CFAP58: variants seen among roughly 807,000 people sequenced by gnomAD.
CFAP58 encodes cilia and flagella associated protein 58.
In CFAP58, 88 loss-of-function variants were observed where a neutral mutation model predicts 119.5. The ratio of observed to expected loss-of-function variants is 0.74; its 90% CI spans 0.62 to 0.88. The LOEUF (loss-of-function observed/expected upper bound fraction) is 0.88. Among genes scored for constraint, CFAP58 ranks in the 40% least tolerant of loss-of-function variants. The pLI is 0.00. For synonymous variants in CFAP58, 365 were observed against 366.3 expected, an observed-to-expected ratio of 1.00 and a Z score of 0.04; for missense variants, 990 against 1,021.2, an observed-to-expected ratio of 0.97 and a Z score of 0.42.
intron 17 of CFAP58, among the ~76,000 whole-genome samples, chr10:104,451,433 G>T (rs1173057990): frequency 1.3e-5 from 2 of 151,540 alleles, no homozygotes; most frequent in Non-Finnish European, 2.9e-5. Context: ...TATCTGTCTG[G>T]TTCGGAATCA....
At chr10:104,449,935 A>C in intron 16 of CFAP58, 136 bp from the exon 17 acceptor site, 54 of 745,488 alleles carry the variant, frequency 7.2e-5, no homozygotes, top group Non-Finnish European at 9.8e-5. Context: ...AGCTGGTGGA[A>C]GCATGCAGAT....
At chr10:104,431,518 A>G (rs1308189808) in intron 15 of CFAP58, among the ~76,000 whole-genome samples, 1 of 152,188 alleles carries the variant, frequency 6.6e-6, no homozygotes, top group East Asian at 1.9e-4. Context: ...CCCAAGTTTT[A>G]GATAAAATGT....
Position 104,422,152 on chromosome 10 carries a change from C to T in CFAP58, c.2256+15359C>T, listed in dbSNP as rs200590203. 1.1e-4 allele frequency among the ~76,000 whole-genome samples: 16 copies of T among 151,944 alleles called. No homozygotes were observed. The East Asian group carries it at 1.9e-3, about 18-fold the overall frequency. On this transcript the variant is annotated intron_variant, in intron 15 of 17. Transcript: ENST00000369704. ...TCACTCCACTGCACTCCAGCCTGGG[C>T]GACAGAGTGAGACTCCATCTCAAAA...
chr10:104,362,269 C>T, intron 3 of CFAP58, 98 bp downstream of exon 3: 1 of 1,030,568 alleles, frequency 9.7e-7, no homozygotes, highest in Non-Finnish European at 1.4e-6. Flanking sequence ...TGAACATTGT[C>T]TGTGATACAA....
intron 11 of CFAP58, among the ~76,000 whole-genome samples, chr10:104,396,825 C>T (rs2012172574): frequency 6.6e-6 from 1 of 152,192 alleles, no homozygotes; most frequent in African/African-American, 2.4e-5. Flanking sequence ...TGCCATCCTT[C>T]CTGGGTGAGA....
At position 104,435,869 on chromosome 10, in the gene CFAP58, T is replaced by G. The variant is rs527912480; in HGVS notation, c.2257-11829T>G. Among the ~76,000 whole-genome samples the G allele has an allele frequency of 5.8e-4, 89 of 152,336 alleles. 1 individual carries two copies. Among genetic ancestry groups the G allele is most frequent in the Non-Finnish European group, 8.7e-4 (59 of 68,040 alleles). ...TTTGTCAAAAGGATGCCCTGTTGACTCTTTAAAATTGAACTTACCATCTTC... is the reference window on the plus strand; with the variant it reads ...TTTGTCAAAAGGATGCCCTGTTGACGCTTTAAAATTGAACTTACCATCTTC... On this transcript the variant is annotated intron_variant, in intron 15 of 17. Coordinates refer to ENST00000369704, the MANE Select transcript of CFAP58 (RefSeq NM_001008723.2).
At chr10:104,414,910 G>T (rs994181800) in intron 15 of CFAP58, among the ~76,000 whole-genome samples, 1 of 152,130 alleles carries the variant, frequency 6.6e-6, no homozygotes, top group African/African-American at 2.4e-5. Context: ...AACAGAAAAG[G>T]TCTTCTCTGA....
intron 8 of CFAP58, among the ~76,000 whole-genome samples, chr10:104,377,465 A>C (rs1182738578): frequency 6.6e-6 from 1 of 152,156 alleles, no homozygotes; most frequent in Non-Finnish European, 1.5e-5. Flanking sequence ...ATTCTCCATT[A>C]AATGTAGGAC....
At chr10:104,371,354 G>T (rs997691212) in intron 7 of CFAP58, among the ~76,000 whole-genome samples, 6 of 152,156 alleles carry the variant, frequency 3.9e-5, no homozygotes, top group Admixed American at 3.9e-4. Context: ...TTATGTCTGA[G>T]GTTCACATGA....
intron 1 of CFAP58, among the ~76,000 whole-genome samples, chr10:104,358,048 C>CAT (rs1480807685): frequency 2.1e-5 from 3 of 146,196 alleles, no homozygotes; most frequent in African/African-American, 7.9e-5. Context: ...CATATACACA[C>CAT]ATATATGTAC....
chr10:104,440,304 A>G (rs2013016616), intron 15 of CFAP58, among the ~76,000 whole-genome samples: 1 of 151,626 alleles, frequency 6.6e-6, no homozygotes, highest in South Asian at 2.1e-4. Flanking sequence ...TTCACCAAGA[A>G]TAGGAAAAAA....
intron 1 of CFAP58, among the ~76,000 whole-genome samples, chr10:104,357,776 T>C (rs964584752): frequency 6.7e-6 from 1 of 150,202 alleles, no homozygotes; most frequent in Non-Finnish European, 1.5e-5. Flanking sequence ...TGTGTGTATA[T>C]ATGTGTGTTT....
intron 2 of CFAP58, among the ~76,000 whole-genome samples, chr10:104,361,664 C>G (rs558998850): frequency 6.6e-6 from 1 of 152,184 alleles, no homozygotes; most frequent in East Asian, 1.9e-4. Flanking sequence ...AAAAAATACC[C>G]TCTGCCAGTC....
At chr10:104,353,639 A>G (rs2014496626), upstream of CFAP58, 2 of 489,914 alleles carry the variant, frequency 4.1e-6, no homozygotes, top group Admixed American at 3.4e-5. Context: ...GCTCCGCCCC[A>G]TTGGGATATA....
In CFAP58 at chr10:104,450,696, T is replaced by G. The variant is rs1387247860; in HGVS notation, c.2510+492T>G. 5.4e-3 allele frequency among the ~76,000 whole-genome samples: 806 copies of G among 148,024 alleles called. 6 individuals carry two copies. The highest frequency in any genetic ancestry group is 0.02 in the African/African-American group (771 of 38,592). Reference sequence around the variant, plus strand: ...TTATTTATTTATTTATTTATTTATTTATTTATTTATTTATTTTTGATTTTT... The same window carrying G: ...TTATTTATTTATTTATTTATTTATTGATTTATTTATTTATTTTTGATTTTT... On this transcript the variant is annotated intron_variant, in intron 17 of 17. Coordinates refer to ENST00000369704, the MANE Select transcript of CFAP58 (RefSeq NM_001008723.2).
At chr10:104,376,675 G>T in intron 7 of CFAP58, 136 bp from the exon 8 acceptor site, 2 of 619,072 alleles carry the variant, frequency 3.2e-6, no homozygotes, top group Admixed American at 5.5e-5. Context: ...TATACCAAAG[G>T]TCACATACAC....
chr10:104,345,798 G>A, the CFAP58 span, among the ~76,000 whole-genome samples: 2 of 152,106 alleles, frequency 1.3e-5, no homozygotes, highest in Non-Finnish European at 2.9e-5. Context: ...TTCCAGAAAA[G>A]GGATCAGCAT....
At chr10:104,430,318 G>C (rs1226492531) in intron 15 of CFAP58, among the ~76,000 whole-genome samples, 2 of 152,160 alleles carry the variant, frequency 1.3e-5, no homozygotes, top group African/African-American at 4.8e-5. Flanking sequence ...ATTAAAAAGG[G>C]AGCAGCCCCA....
chr10:104,378,251 T>G (rs140709775), intron 8 of CFAP58, among the ~76,000 whole-genome samples: 1 of 152,304 alleles, frequency 6.6e-6, no homozygotes, highest in East Asian at 1.9e-4. Flanking sequence ...AAAGAATGAG[T>G]GAAATGGTTT....
Sources: gnomAD v4.1 joint callset for allele counts (sites outside exome capture counted in the v4.1 genomes callset) on GRCh38, gnomAD v4.1.1 for gene constraint, MANE v1.5 for transcripts, NCBI Gene and HGNC (gene_info 2026-07-23, HGNC 2026-07-21) for gene names.